Variants in CELSR2 observed in about 807,000 individuals in gnomAD.
The protein encoded by CELSR2 is cadherin EGF LAG seven-pass G-type receptor 2, also known as EGF-like protein 2.
In CELSR2, 81 loss-of-function variants were observed where a neutral mutation model predicts 251.6. The observed-to-expected ratio is 0.32, with a 90% CI of 0.27 to 0.39. The LOEUF is 0.39. CELSR2 is among the 10% of genes least tolerant of loss of function. The pLI is 1.00. For synonymous variants in CELSR2, 1,721 were observed against 1,670.5 expected (o/e 1.03, Z -0.74); for missense variants, 3,365 against 3,947.7 (o/e 0.85, Z 3.96).
intron 2 of CELSR2, among the ~76,000 whole-genome samples, chr1:109,259,751 T>C (rs911662281): frequency 1.3e-5 from 2 of 152,156 alleles, no homozygotes; most frequent in African/African-American, 4.8e-5. Context: ...TGCACCTGTA[T>C]GGGCCTGGGC....
chr1:109,250,243 G>C lies in CELSR2; in HGVS notation c.164G>C (p.Gly55Ala), dbSNP rs750098094. 1 of 1,610,592 alleles carries C rather than the reference G, an allele frequency of 6.2e-7. No individual in the cohort carries two copies. The change falls in exon 1 of 34, where the codon GGC becomes GCC. Residue 55 changes from glycine (G) to alanine (A), a missense_variant. This residue lies in a region of CELSR2 where 704 missense variants were observed against 784.1 expected (regional missense o/e 0.90). Coordinates refer to ENST00000271332, the MANE Select transcript of CELSR2 (RefSeq NM_001408.3). The surrounding 1 kb of genome is among the most constrained non-coding windows in gnomAD (Gnocchi z 4.4). ...RGSSGACAPMGWLCPSSASNL... is the reference protein window; with the variant it reads ...RGSSGACAPMAWLCPSSASNL... Reference sequence around the variant, plus strand: ...TCTTCGGGGGCCTGCGCCCCCATGGGCTGGCTCTGTCCATCCTCAGCGTCG... The same window carrying C: ...TCTTCGGGGGCCTGCGCCCCCATGGCCTGGCTCTGTCCATCCTCAGCGTCG...
rs188263418 is a variant in CELSR2 at position 109,251,695 on chromosome 1, G to A, written c.1616G>A (p.Arg539His). 118 of 1,614,064 alleles carry A rather than the reference G, an allele frequency of 7.3e-5. No homozygotes were observed. Among genetic ancestry groups the A allele is most frequent in the Middle Eastern group, 1.6e-4 (1 of 6,062 alleles). Reference sequence around the variant, plus strand: ...GACGCTGATGCTGGTGACAATGCCCGCCTGGAATACCGCCTTGCTGGGGTG... The same window carrying A: ...GACGCTGATGCTGGTGACAATGCCCACCTGGAATACCGCCTTGCTGGGGTG... ...AIDADAGDNA[R>H]LEYRLAGVGH... Residue 539 changes from arginine (R) to histidine (H), a missense_variant, in exon 1 of 34, where the codon CGC becomes CAC. By Grantham distance (29) the Arg-to-His change is conservative. Around this residue, in one of 5 missense-constraint regions of CELSR2, gnomAD observed 704 missense variants for 784.1 expected, o/e 0.90. Transcript: ENST00000271332. This position sits in a 1 kb window ranked among gnomAD's most constrained non-coding sequence, Gnocchi z 4.9.
At chr1:109,254,014 C>T (rs1017608576) in intron 1 of CELSR2, among the ~76,000 whole-genome samples, 2 of 152,226 alleles carry the variant, frequency 1.3e-5, no homozygotes, top group African/African-American at 2.4e-5. Flanking sequence ...CTTCAGAGCT[C>T]CCACAGGAAG....
At position 109,266,091 on chromosome 1, in the gene CELSR2, G is replaced by A. The variant is rs761165711; in HGVS notation, c.5912-14G>A. ...GAGAGCTGCTCCTGGGTGACCATGT[G>A]CTCTTCCCCGCAGTGAATTATGACA... On this transcript the variant is annotated splice_polypyrimidine_tract_variant and intron_variant, in intron 14 of 33. Coordinates refer to ENST00000271332, the MANE Select transcript of CELSR2 (RefSeq NM_001408.3). 13 of 1,613,278 alleles carry A rather than the reference G, an allele frequency of 8.1e-6. No homozygotes were observed. In the African/African-American group the frequency reaches 1.1e-4, roughly 13 times the overall value.
At position 109,251,339 on chromosome 1, in the gene CELSR2, A is replaced by G; in HGVS notation, c.1260A>G (p.Arg420=). The G allele has an allele frequency of 6.2e-7, 1 of 1,614,146 alleles. No individual in the cohort carries two copies. Among genetic ancestry groups the G allele is most frequent in the Admixed American group, 1.7e-5 (1 of 60,032 alleles). ...EDVTPGAPVL[R]VTASDRDKGS... is the part of the protein sequence containing the mutation. ...TGACTCCAGGGGCCCCAGTACTCCG[A>G]GTCACAGCCTCGGATCGAGACAAGG... The change falls in exon 1 of 34, where the codon CGA becomes CGG. Residue 420 remains arginine, a synonymous_variant. Coordinates refer to ENST00000271332, the MANE Select transcript of CELSR2 (RefSeq NM_001408.3). The surrounding 1 kb of genome is among the most constrained non-coding windows in gnomAD (Gnocchi z 4.9).
chr1:109,258,875 T>C lies in CELSR2; in HGVS notation c.3754T>C (p.Ser1252Pro), dbSNP rs140852811. The C allele has an allele frequency of 6.2e-7, 1 of 1,612,414 alleles. No homozygotes were observed. The highest frequency in any genetic ancestry group is 8.5e-7 in the Non-Finnish European group (1 of 1,179,372). ...CGTGTCGGTGCTGCGCTTCGACTCC[T>C]CCGCGCCCTTCATCGCCTCCTCCTC... The part of the protein sequence containing the change: ...RCVSVLRFDS[S>P]APFIASSSVL... The change falls in exon 2 of 34, where the codon TCC (serine) becomes CCC (proline). Residue 1252 changes from serine (S) to proline (P), a missense_variant. By Grantham distance (74) the Ser-to-Pro change is moderately conservative. Coordinates refer to ENST00000271332, the MANE Select transcript of CELSR2 (RefSeq NM_001408.3).
chr1:109,251,707 G>A lies in CELSR2; in HGVS notation c.1628G>A (p.Arg543His), dbSNP rs780774580. 1.1e-5 allele frequency: 17 copies of A among 1,613,942 alleles called. No homozygotes were observed. The highest frequency in any genetic ancestry group is 2.7e-5 in the African/African-American group (2 of 74,882). ...GGTGACAATGCCCGCCTGGAATACC[G>A]CCTTGCTGGGGTGGGACATGACTTC... ...DAGDNARLEY[R>H]LAGVGHDFPF... The change falls in exon 1 of 34, where the codon CGC (arginine) becomes CAC (histidine). Residue 543 changes from arginine to histidine, a missense_variant. Around this residue, in one of 5 missense-constraint regions of CELSR2, gnomAD observed 704 missense variants for 784.1 expected, o/e 0.90. Coordinates refer to ENST00000271332, the MANE Select transcript of CELSR2 (RefSeq NM_001408.3). This position sits in a 1 kb window ranked among gnomAD's most constrained non-coding sequence, Gnocchi z 4.9.
In CELSR2 at chr1:109,268,938, C is replaced by T. The variant is rs762380118; in HGVS notation, c.6561C>T (p.Tyr2187=). 5.6e-5 allele frequency: 91 copies of T among 1,613,356 alleles called. No homozygotes were observed. Among genetic ancestry groups the T allele is most frequent in the Middle Eastern group, 3.3e-4 (2 of 6,082 alleles). ...TTGCTGGGGCCAAGCTGCCCCGCTA[C>T]GAGGCCCTGCGTGGGGAGCAGCCCC... ...GNFAGAKLPR[Y]EALRGEQPPD... is the part of the protein sequence containing the mutation. Residue 2187 remains tyrosine (Y), a synonymous_variant, in exon 19 of 34, where the codon TAC becomes TAT. Coordinates refer to ENST00000271332, the MANE Select transcript of CELSR2 (RefSeq NM_001408.3).
Position 109,272,593 on chromosome 1 carries a change from G to A in CELSR2, c.8055-47G>A, listed in dbSNP as rs748922716. The A allele has an allele frequency of 1.9e-6, 3 of 1,551,794 alleles. No homozygotes were observed. The South Asian group carries it at 3.4e-5, about 17-fold the overall frequency. ...AGGGGAGAGGAGAGACTGGGACCCTGGGCAAGGGGCCAGGCTGACCCCTCC... is the reference window on the plus strand; with the variant it reads ...AGGGGAGAGGAGAGACTGGGACCCTAGGCAAGGGGCCAGGCTGACCCCTCC... On this transcript the variant is annotated intron_variant, in intron 29 of 33. Transcript: ENST00000271332.
rs1656018893 is a variant in CELSR2, at chr1:109,261,437, C to T, written c.4182-76C>T. On this transcript the variant is annotated intron_variant, in intron 3 of 33. Coordinates refer to ENST00000271332, the MANE Select transcript of CELSR2 (RefSeq NM_001408.3). This position sits in a 1 kb window ranked among gnomAD's most constrained non-coding sequence, Gnocchi z 4.8. ...TCTGCCAGCAGATCTCCCTCCCCTG[C>T]GCTGGTTAGGTGGCGGGGGTGCTGG... 1.1e-5 allele frequency: 16 copies of T among 1,444,472 alleles called. No individual in the cohort carries two copies. The highest frequency in any genetic ancestry group is 4.2e-5 in the African/African-American group (3 of 71,450). 89.5% of individuals were successfully genotyped at this position (1,444,472 alleles called of 1,614,324 possible).
At chr1:109,263,065 C>T in intron 7 of CELSR2, 77 bp from the exon 8 acceptor site, 1 of 1,579,882 alleles carries the variant, frequency 6.3e-7, no homozygotes, top group Non-Finnish European at 8.6e-7. Flanking sequence ...GTCTCAGAGG[C>T]CTCTCTAACT....
intron 17 of CELSR2, 148 bp from the exon 18 acceptor site, chr1:109,268,433 C>G (rs1448686765): frequency 1.8e-6 from 2 of 1,097,392 alleles, no homozygotes; most frequent in South Asian, 3.3e-5. Flanking sequence ...GCAGTGCGGT[C>G]CAGGAGCATT....
intron 2 of CELSR2, among the ~76,000 whole-genome samples, chr1:109,259,343 C>T (rs1469483106): frequency 1.3e-5 from 2 of 152,202 alleles, no homozygotes; most frequent in African/African-American, 2.4e-5. Context: ...GGCCTGTGTT[C>T]GTGTATCAGC....
In CELSR2 at chr1:109,251,938, A is replaced by G. The variant is rs747385582; in HGVS notation, c.1859A>G (p.Asn620Ser). ...CAACCAGAGTACACAGTGCGGCTCA[A>G]TGAGGATGCAGCTGTGGGCACCAGC... Reference protein sequence around the residue: ...FTQPEYTVRLNEDAAVGTSVV... With the variant: ...FTQPEYTVRLSEDAAVGTSVV... Residue 620 changes from asparagine to serine, a missense_variant, in exon 1 of 34, where the codon AAT (asparagine) becomes AGT (serine). Physicochemically the swap from Asn to Ser is conservative, Grantham distance 46. Transcript: ENST00000271332. The surrounding 1 kb of genome is among the most constrained non-coding windows in gnomAD (Gnocchi z 4.9). 8 of 1,614,130 alleles carry G rather than the reference A, an allele frequency of 5.0e-6. No individual in the cohort carries two copies. In the East Asian group the frequency reaches 6.7e-5, roughly 13 times the overall value.
rs1052465230 is a variant in CELSR2 at position 109,269,677 on chromosome 1, C to T, written c.6981-17C>T. The T allele has an allele frequency of 1.2e-6, 2 of 1,614,012 alleles. No homozygotes were observed. The highest frequency in any genetic ancestry group is 2.7e-5 in the African/African-American group (2 of 74,952). The stretch of plus-strand genomic sequence containing the variant: ...CCTCACCCTCCTTGTCTCCCTGACC[C>T]TGCCTTCCTCACACAGGGTCAGTGG... On this transcript the variant is annotated splice_polypyrimidine_tract_variant and intron_variant, in intron 21 of 33. Transcript: ENST00000271332. The surrounding 1 kb of genome is among the most constrained non-coding windows in gnomAD (Gnocchi z 6.4).
chr1:109,266,383 T>G lies in CELSR2; in HGVS notation c.6013+177T>G, dbSNP rs911711949. On this transcript the variant is annotated intron_variant, in intron 15 of 33. Coordinates refer to ENST00000271332, the MANE Select transcript of CELSR2 (RefSeq NM_001408.3). ...CCCCCTTCCCCATGTTGCCCAGGTG[T>G]GCCTACATCTTGGACTGTTTTGTTT... is the stretch of plus-strand genomic sequence containing the variant. The G allele has an allele frequency of 1.4e-5, 10 of 722,284 alleles. No individual in the cohort carries two copies. In the African/African-American group the frequency reaches 1.8e-4, roughly 13 times the overall value. The allele number at this position is 722,284 out of a possible 1,614,324, so 44.7% of individuals were successfully genotyped here.
intron 28 of CELSR2, 77 bp from the exon 29 acceptor site, chr1:109,272,201 C>G: frequency 6.7e-7 from 1 of 1,496,042 alleles, no homozygotes; most frequent in Non-Finnish European, 9.0e-7. Flanking sequence ...AGGGCAAGTT[C>G]CCTCCACCCT....
intron 1 of CELSR2, among the ~76,000 whole-genome samples, chr1:109,257,071 T>C (rs1460490800): frequency 1.3e-5 from 2 of 152,188 alleles, no homozygotes; most frequent in African/African-American, 4.8e-5. Flanking sequence ...TAAATACAAA[T>C]ATGAATATGC....
chr1:109,272,533 A>AGCTGTAAGGGACCC lies in CELSR2; in HGVS notation c.8055-106_8055-93dup. 3 of 1,485,390 alleles carry AGCTGTAAGGGACCC rather than the reference A, an allele frequency of 2.0e-6. No individual in the cohort carries two copies. The Admixed American group carries it at 5.5e-5, about 27-fold the overall frequency. The allele number at this position is 1,485,390 out of a possible 1,614,324, so 92.0% of individuals were successfully genotyped here. ...GACGTGGGGGCCAGCTTGGATTAGA[A>AGCTGTAAGGGACCC]GCTGTAAGGGACCCACAGCAGGAAC... On this transcript the variant is annotated intron_variant, in intron 29 of 33. Transcript: ENST00000271332.
Sources: allele counts gnomAD v4.1 joint callset (sites outside exome capture counted in the v4.1 genomes callset), GRCh38; gene constraint gnomAD v4.1.1; regional missense constraint gnomAD v4.1.1; non-coding constraint Gnocchi (gnomAD v3.1); transcripts MANE v1.5; gene names NCBI Gene and HGNC (gene_info 2026-07-23, HGNC 2026-07-21).